The following TPRG1 variants were observed in gnomAD, a reference collection of about 807,000 sequenced individuals.
The protein encoded by TPRG1 is tumor protein p63 regulated 1, also known as tumor protein p63-regulated gene 1 protein.
TPRG1 carries 29 observed loss-of-function variants against 29.3 expected under a neutral mutation model. The observed-to-expected ratio is 0.99, with a 90% CI of 0.74 to 1.35. The LOEUF (loss-of-function observed/expected upper bound fraction) is 1.35, where lower values mean the gene tolerates loss of function less well. TPRG1 is among the 40% of genes most tolerant of loss of function. The pLI is 0.00. For missense variants in TPRG1, 327 were observed against 335.0 expected, an observed-to-expected ratio of 0.98 and a Z score of 0.19; for synonymous variants, 130 against 116.8, an observed-to-expected ratio of 1.11 and a Z score of -0.73.
intron 1 of TPRG1, among the ~76,000 whole-genome samples, chr3:189,180,212 G>T (rs1730030995): frequency 6.6e-6 from 1 of 152,158 alleles, no homozygotes; most frequent in Admixed American, 6.5e-5. Context: ...GATGAGATTT[G>T]GGTGGGGACA....
chr3:189,178,253 C>A (rs1374587409), intron 1 of TPRG1, among the ~76,000 whole-genome samples: 2 of 152,202 alleles, frequency 1.3e-5, no homozygotes, highest in Non-Finnish European at 2.9e-5. Context: ...ATGGGCCGGG[C>A]ACACTGGCTC....
chr3:189,004,711 A>G (rs2152121745), exon 3 of TPRG1: 1 of 152,240 alleles, frequency 6.6e-6, no homozygotes, highest in Middle Eastern at 3.4e-3. Flanking sequence ...TTTTCTAGCA[A>G]TTACTTCCTC....
chr3:189,299,224 G>A (rs946451219), intron 4 of TPRG1, among the ~76,000 whole-genome samples: 7 of 152,206 alleles, frequency 4.6e-5, no homozygotes, highest in Non-Finnish European at 7.4e-5. Flanking sequence ...AATGAAGGGA[G>A]TTGCCTCAAA....
chr3:189,247,779 T>C (rs927089890), intron 4 of TPRG1, among the ~76,000 whole-genome samples: 2 of 151,974 alleles, frequency 1.3e-5, no homozygotes, highest in Non-Finnish European at 2.9e-5. Flanking sequence ...CTTTTCTCCT[T>C]AGGTTTAATT....
intron 4 of TPRG1, among the ~76,000 whole-genome samples, chr3:189,082,421 A>G (rs967817809): frequency 4.6e-4 from 70 of 152,142 alleles, no homozygotes; most frequent in Non-Finnish European, 5.6e-4. Flanking sequence ...TTTATCTAGG[A>G]AGACAAAAAC....
At chr3:189,139,303 G>C (rs558437413) in intron 3 of TPRG1, among the ~76,000 whole-genome samples, 1 of 152,330 alleles carries the variant, frequency 6.6e-6, no homozygotes, top group East Asian at 1.9e-4. Flanking sequence ...ACCCTCCTCT[G>C]TGTAGCGGAG....
intron 4 of TPRG1, chr3:189,267,525 T>G (rs907572428): frequency 6.6e-6 from 1 of 152,240 alleles, no homozygotes. Context: ...TGGTGGGAAC[T>G]GTTGCTAAAG....
chr3:189,072,600 T>C (rs1388381475), intron 4 of TPRG1, among the ~76,000 whole-genome samples: 2 of 152,208 alleles, frequency 1.3e-5, no homozygotes, highest in African/African-American at 4.8e-5. Flanking sequence ...TTAGATCACT[T>C]GGTTGCAAGT....
chr3:189,073,475 G>A (rs1365671566), intron 4 of TPRG1, among the ~76,000 whole-genome samples: 1 of 152,174 alleles, frequency 6.6e-6, no homozygotes, highest in Non-Finnish European at 1.5e-5. Context: ...AGATAAAGTA[G>A]AGAACTAAGT....
At chr3:189,318,933 G>A (rs1198666936) in intron 5 of TPRG1, among the ~76,000 whole-genome samples, 1 of 152,068 alleles carries the variant, frequency 6.6e-6, no homozygotes, top group Non-Finnish European at 1.5e-5. Context: ...GCTCATAACA[G>A]CAATGTTATA....
chr3:189,297,235 C>A (rs1008752623), intron 4 of TPRG1, among the ~76,000 whole-genome samples: 1 of 152,126 alleles, frequency 6.6e-6, no homozygotes, highest in African/African-American at 2.4e-5. Context: ...CCTGCCTCAT[C>A]ATCCCAAAGT....
At chr3:189,052,125 C>T (rs141373815) in intron 4 of TPRG1, among the ~76,000 whole-genome samples, 182 of 152,264 alleles carry the variant, frequency 1.2e-3, no homozygotes, top group Non-Finnish European at 1.9e-3. Flanking sequence ...AGCTTTTGCA[C>T]GGCAAAAGGA....
intron 5 of TPRG1, among the ~76,000 whole-genome samples, chr3:189,161,066 T>G (rs1727410493): frequency 6.6e-6 from 1 of 152,258 alleles, no homozygotes; most frequent in Non-Finnish European, 1.5e-5. Context: ...TGGTGATGGC[T>G]GCCTCCTGGG....
chr3:189,027,764 T>C (rs539763997), intron 4 of TPRG1, among the ~76,000 whole-genome samples: 1 of 152,216 alleles, frequency 6.6e-6, no homozygotes, highest in South Asian at 2.1e-4. Context: ...TTCCAATGGA[T>C]AGGAAAAGTT....
chr3:189,217,206 T>C (rs1406681307), intron 3 of TPRG1, among the ~76,000 whole-genome samples: 1 of 152,200 alleles, frequency 6.6e-6, no homozygotes, highest in Non-Finnish European at 1.5e-5. Context: ...CTGCTTGATT[T>C]AACATCAACT....
At chr3:189,287,153 A>G (rs1718192058) in intron 4 of TPRG1, among the ~76,000 whole-genome samples, 3 of 152,084 alleles carry the variant, frequency 2.0e-5, no homozygotes, top group Middle Eastern at 3.4e-3. Flanking sequence ...GTGTAGCCTC[A>G]CTCTGCATTT....
chr3:189,092,928 C>A (rs1291367750), intron 4 of TPRG1, among the ~76,000 whole-genome samples: 3 of 152,052 alleles, frequency 2.0e-5, no homozygotes, highest in Non-Finnish European at 4.4e-5. Flanking sequence ...ATTAACAGTT[C>A]CTCTCTGTTT....
intron 3 of TPRG1, among the ~76,000 whole-genome samples, chr3:189,227,665 C>A (rs951060720): frequency 6.6e-6 from 1 of 152,120 alleles, no homozygotes; most frequent in African/African-American, 2.4e-5. Context: ...AACCCATCAG[C>A]GTTCTTTCAA....
chr3:189,061,208 T>C (rs1289137902), intron 4 of TPRG1, among the ~76,000 whole-genome samples: 1 of 152,200 alleles, frequency 6.6e-6, no homozygotes, highest in Non-Finnish European at 1.5e-5. Flanking sequence ...AGACTCCTTG[T>C]TCAATAAACG....
Sources: gnomAD v4.1 joint callset for allele counts (sites outside exome capture counted in the v4.1 genomes callset) on GRCh38, gnomAD v4.1.1 for gene constraint, MANE v1.5 for transcripts, NCBI Gene and HGNC (gene_info 2026-07-23, HGNC 2026-07-21) for gene names.